LHFPL6: variants seen among roughly 807,000 people sequenced by gnomAD.
LHFPL6 encodes the protein LHFPL tetraspan subfamily member 6 protein.
A neutral mutation model predicts 20.6 loss-of-function variants in LHFPL6; 9 were observed. The ratio of observed to expected loss-of-function variants is 0.44; its 90% CI spans 0.26 to 0.76. LHFPL6 has a LOEUF of 0.76. Ranked by LOEUF, LHFPL6 falls within the 30% of genes least tolerant of loss-of-function variation. LHFPL6 has a pLI of 0.20. For synonymous variants in LHFPL6, 105 were observed against 98.7 expected, an observed-to-expected ratio of 1.06 and a Z score of -0.38; for missense variants, 218 against 253.5, an observed-to-expected ratio of 0.86 and a Z score of 0.95.
At chr13:39,467,599 T>G (rs1455038925) in intron 2 of LHFPL6, among the ~76,000 whole-genome samples, 1 of 152,128 alleles carries the variant, frequency 6.6e-6, no homozygotes, top group African/African-American at 2.4e-5. Flanking sequence ...GATCCACCAA[T>G]GAGAAATGCA....
intron 2 of LHFPL6, among the ~76,000 whole-genome samples, chr13:39,379,412 T>C (rs191899806): frequency 2.0e-5 from 3 of 152,250 alleles, no homozygotes; most frequent in Non-Finnish European, 1.5e-5. Flanking sequence ...GCTGAACCCA[T>C]AGGACCAACA....
chr13:39,385,914 C>A (rs1870552051), intron 2 of LHFPL6, among the ~76,000 whole-genome samples: 1 of 152,146 alleles, frequency 6.6e-6, no homozygotes, highest in Non-Finnish European at 1.5e-5. Context: ...TTTTCCAGGA[C>A]TATGGCTCCA....
chr13:39,474,754 GGGAGCTCAC>G (rs1873038038), intron 2 of LHFPL6, among the ~76,000 whole-genome samples: 2 of 151,962 alleles, frequency 1.3e-5, no homozygotes, highest in African/African-American at 4.8e-5. Context: ...CCAGGCCACA[GGGAGCTCAC>G]GGACCCATGG....
intron 2 of LHFPL6, among the ~76,000 whole-genome samples, chr13:39,562,443 TATAC>T (rs150865335): frequency 2.4e-5 from 3 of 126,598 alleles, no homozygotes; most frequent in East Asian, 4.3e-4. Context: ...TATATACATA[TATAC>T]ACATATATAC....
chr13:39,360,297 G>T (rs1442281109), intron 3 of LHFPL6, among the ~76,000 whole-genome samples: 1 of 98,170 alleles, frequency 1.0e-5, no homozygotes, highest in Non-Finnish European at 2.4e-5. Flanking sequence ...GGGATTACAG[G>T]CATGAGCCAC....
intron 2 of LHFPL6, among the ~76,000 whole-genome samples, chr13:39,412,934 AAG>A (rs1566105700): frequency 5.3e-5 from 8 of 151,574 alleles, no homozygotes; most frequent in Admixed American, 3.9e-4. Flanking sequence ...AAAAAAAAAA[AAG>A]AAAAAAATTG....
At chr13:39,600,725 A>G in intron 2 of LHFPL6, 107 bp downstream of exon 2, 1 of 1,155,090 alleles carries the variant, frequency 8.7e-7, no homozygotes, top group Admixed American at 2.7e-5. Context: ...TATTTCTCTT[A>G]TGCATTCCAG....
chr13:39,473,500 T>G, intron 2 of LHFPL6, among the ~76,000 whole-genome samples: 1 of 95,276 alleles, frequency 1.0e-5, no homozygotes, highest in East Asian at 2.3e-3. Flanking sequence ...GGATGTGGCA[T>G]TTTTTTTTTC....
intron 3 of LHFPL6, among the ~76,000 whole-genome samples, chr13:39,352,763 T>G (rs1173267604): frequency 2.0e-5 from 3 of 149,564 alleles, no homozygotes; most frequent in Non-Finnish European, 3.0e-5. Flanking sequence ...GTATCCTTGT[T>G]GCTGTATTAA....
intron 2 of LHFPL6, among the ~76,000 whole-genome samples, chr13:39,499,909 C>T (rs1869235690): frequency 6.6e-6 from 1 of 152,232 alleles, no homozygotes; most frequent in South Asian, 2.1e-4. Flanking sequence ...CACAATCACA[C>T]ACATTGTTGA....
At chr13:39,473,598 A>G (rs1359870392) in intron 2 of LHFPL6, among the ~76,000 whole-genome samples, 3 of 152,106 alleles carry the variant, frequency 2.0e-5, no homozygotes, top group Non-Finnish European at 4.4e-5. Context: ...AAGGTTTTAC[A>G]TAATTGAGCA....
intron 2 of LHFPL6, among the ~76,000 whole-genome samples, chr13:39,525,825 A>G (rs944140593): frequency 2.0e-5 from 3 of 151,904 alleles, no homozygotes; most frequent in Non-Finnish European, 2.9e-5. Context: ...CAGTAAAATC[A>G]TAATCCTCAT....
chr13:39,416,887 T>G (rs1347114137), intron 2 of LHFPL6, among the ~76,000 whole-genome samples: 1 of 152,232 alleles, frequency 6.6e-6, no homozygotes, highest in African/African-American at 2.4e-5. Context: ...CATAGGCATA[T>G]GAACATTTGT....
At chr13:39,523,980 A>G (rs898301128) in intron 2 of LHFPL6, among the ~76,000 whole-genome samples, 1 of 152,178 alleles carries the variant, frequency 6.6e-6, no homozygotes, top group African/African-American at 2.4e-5. Context: ...TGTATTATGG[A>G]GCAATAGGAA....
At chr13:39,533,136 T>C (rs991879105) in intron 2 of LHFPL6, among the ~76,000 whole-genome samples, 5 of 152,194 alleles carry the variant, frequency 3.3e-5, no homozygotes, top group Non-Finnish European at 5.9e-5. Context: ...AAACTAGTCA[T>C]TTGTATCTCC....
At chr13:39,347,136 T>C (rs569815453) in intron 3 of LHFPL6, among the ~76,000 whole-genome samples, 12 of 150,742 alleles carry the variant, frequency 8.0e-5, no homozygotes, top group African/African-American at 2.4e-4. Flanking sequence ...ATCAATGTCC[T>C]TCCTATAGCC....
intron 2 of LHFPL6, among the ~76,000 whole-genome samples, chr13:39,562,559 TACATATACAC>T (rs1566142141): frequency 5.5e-4 from 45 of 82,130 alleles, no homozygotes; most frequent in Non-Finnish European, 1.2e-3. Flanking sequence ...TATATACACA[TACATATACAC>T]ATACATATAT....
intron 2 of LHFPL6, among the ~76,000 whole-genome samples, chr13:39,516,537 T>C (rs1869924372): frequency 6.6e-6 from 1 of 152,194 alleles, no homozygotes; most frequent in Admixed American, 6.5e-5. Flanking sequence ...ATCCCACTGG[T>C]GTGGAGAACC....
intron 2 of LHFPL6, among the ~76,000 whole-genome samples, chr13:39,390,049 T>C (rs754900546): frequency 3.6e-4 from 55 of 152,302 alleles, no homozygotes; most frequent in Admixed American, 9.8e-4. Flanking sequence ...TACTTAACTT[T>C]TTTTTAAAAA....
Sources: allele counts gnomAD v4.1 joint callset (sites outside exome capture counted in the v4.1 genomes callset), GRCh38; gene constraint gnomAD v4.1.1; transcripts MANE v1.5; gene names NCBI Gene and HGNC (gene_info 2026-07-23, HGNC 2026-07-21).